The following ST7L variants were observed in gnomAD, a reference collection of about 807,000 sequenced individuals.
ST7L encodes suppressor of tumorigenicity 7 protein-like.
ST7L carries 57 observed loss-of-function variants against 72.5 expected under a neutral mutation model. The ratio of observed to expected loss-of-function variants is 0.79; its 90% CI spans 0.64 to 0.98. The LOEUF (loss-of-function observed/expected upper bound fraction) is 0.98, where lower values mean the gene tolerates loss of function less well. Among genes scored for constraint, ST7L ranks in the 50% least tolerant of loss-of-function variants. The pLI, the probability that ST7L is intolerant of heterozygous loss-of-function variation, is 0.00. For missense variants in ST7L, 576 were observed against 672.2 expected (o/e 0.86, Z 1.58); for synonymous variants, 221 against 240.9 (o/e 0.92, Z 0.77).
At chr1:112,521,324 TTTTTTTTC>T (rs1652867814), downstream of ST7L, 1 of 150,584 alleles carries the variant, frequency 6.6e-6, no homozygotes, top group Non-Finnish European at 1.5e-5. Context: ...TTTTTTTTTT[TTTTTTTTC>T]TTTTCTTTTC....
intron 7 of ST7L, among the ~76,000 whole-genome samples, chr1:112,583,547 A>C (rs761895189): frequency 6.6e-6 from 1 of 152,240 alleles, no homozygotes; most frequent in East Asian, 1.9e-4. Context: ...CCCTAGCACT[A>C]TATGCAGATA....
chr1:112,527,899 G>A (rs773850538), intron 14 of ST7L: 2 of 152,228 alleles, frequency 1.3e-5, no homozygotes, highest in Non-Finnish European at 2.9e-5. Flanking sequence ...AAGGTGAACT[G>A]GAACTCTGGG....
chr1:112,520,391 C>A (rs1205522750), downstream of ST7L: 9 of 1,614,042 alleles, frequency 5.6e-6, no homozygotes, highest in Non-Finnish European at 7.6e-6. Context: ...ACCCGTGTTA[C>A]CCAGTGTGAG....
At chr1:112,584,206 G>A in intron 6 of ST7L, 80 bp from the exon 7 acceptor site, 1 of 1,391,990 alleles carries the variant, frequency 7.2e-7, no homozygotes. Context: ...TTTGCTCTAT[G>A]TCATATTTCC....
chr1:112,581,638 C>G (rs369370715), intron 9 of ST7L, among the ~76,000 whole-genome samples: 2 of 152,086 alleles, frequency 1.3e-5, no homozygotes, highest in South Asian at 4.1e-4. Context: ...CTCCTGGGCT[C>G]AAGTGATCCT....
At chr1:112,605,011 CAGG>C (rs1442134401) in intron 3 of ST7L, among the ~76,000 whole-genome samples, 2 of 145,910 alleles carry the variant, frequency 1.4e-5, no homozygotes, top group Non-Finnish European at 1.5e-5. Context: ...CATTTGAACC[CAGG>C]AGGCAGAGGT....
At chr1:112,566,443 G>C (rs1661065952) in intron 11 of ST7L, among the ~76,000 whole-genome samples, 2 of 151,676 alleles carry the variant, frequency 1.3e-5, no homozygotes, top group African/African-American at 2.4e-5. Flanking sequence ...GACTACAGGT[G>C]TGTGCCACCA....
upstream of ST7L, chr1:112,619,578 C>G (rs962638406): frequency 7.5e-6 from 4 of 532,804 alleles, no homozygotes; most frequent in Non-Finnish European, 6.6e-6. Context: ...AACACGCTGC[C>G]AGCGCCCATT....
At chr1:112,605,043 C>T (rs543724409) in intron 3 of ST7L, among the ~76,000 whole-genome samples, 13 of 142,830 alleles carry the variant, frequency 9.1e-5, no homozygotes, top group East Asian at 2.1e-4. Flanking sequence ...GCAGAGATCA[C>T]GCCATTGCAT....
upstream of ST7L, chr1:112,619,236 G>C (rs757609820): frequency 1.1e-6 from 1 of 895,516 alleles, no homozygotes; most frequent in Non-Finnish European, 1.7e-6. Flanking sequence ...CTGGGGAACC[G>C]GGACCGAGAA....
chr1:112,611,135 C>T (rs1669006615), intron 2 of ST7L, 132 bp from the exon 3 acceptor site: 2 of 762,434 alleles, frequency 2.6e-6, no homozygotes, highest in Non-Finnish European at 4.0e-6. Flanking sequence ...AAGAAAAAAA[C>T]ATACAAACAC....
At chr1:112,522,547 C>T (rs1363580807), downstream of ST7L, 1 of 152,224 alleles carries the variant, frequency 6.6e-6, no homozygotes, top group African/African-American at 2.4e-5. Context: ...CCCTTGGGGT[C>T]CTCATGTTTT....
chr1:112,610,041 A>G (rs928367442), intron 3 of ST7L, among the ~76,000 whole-genome samples: 6 of 145,146 alleles, frequency 4.1e-5, no homozygotes, highest in Non-Finnish European at 7.4e-5. Flanking sequence ...TGCTGGGCGT[A>G]TATATATATA....
chr1:112,574,718 A>G (rs2101807503), intron 11 of ST7L, among the ~76,000 whole-genome samples: 1 of 152,212 alleles, frequency 6.6e-6, no homozygotes, highest in East Asian at 1.9e-4. Flanking sequence ...TAAAGGGAGG[A>G]AATAAACATA....
chr1:112,564,817 CAAA>C (rs780771291), intron 11 of ST7L, among the ~76,000 whole-genome samples: 2 of 43,112 alleles, frequency 4.6e-5, no homozygotes, highest in Non-Finnish European at 6.0e-5. Context: ...AACTGCATCT[CAAA>C]AAAAAAAAAA....
chr1:112,616,923 T>A (rs1557715128), intron 1 of ST7L, 28 bp from the exon 2 acceptor site: 3 of 1,530,964 alleles, frequency 2.0e-6, no homozygotes, highest in African/African-American at 1.4e-5. Context: ...ATCAAAGTTT[T>A]AAAAAATGCA....
chr1:112,603,654 G>A (rs531252834), intron 3 of ST7L, among the ~76,000 whole-genome samples: 1 of 152,114 alleles, frequency 6.6e-6, no homozygotes, highest in Non-Finnish European at 1.5e-5. Flanking sequence ...TATAGCTCAG[G>A]CTGCCGTAAC....
intron 4 of ST7L, among the ~76,000 whole-genome samples, chr1:112,598,445 C>T (rs1227726602): frequency 6.9e-6 from 1 of 144,136 alleles, no homozygotes; most frequent in Non-Finnish European, 1.5e-5. Flanking sequence ...CTGTCTTTAC[C>T]AGAAAAAAAA....
At position 112,581,997 on chromosome 1, in the gene ST7L, T is replaced by C; in HGVS notation, c.1064A>G (p.Tyr355Cys). The change falls in exon 9 of 15, where the codon TAT becomes TGT. Residue 355 changes from tyrosine (Y) to cysteine (C), a missense_variant. Tyr to Cys is a radical substitution (Grantham distance 194, BLOSUM62 -2). Around this residue, in one of 3 missense-constraint regions of ST7L, gnomAD observed 511 missense variants for 600.7 expected, o/e 0.85. Coordinates refer to ENST00000358039, the MANE Select transcript of ST7L (RefSeq NM_017744.5). The stretch of plus-strand genomic sequence containing the variant: ...ACTAAGGGAATATGACTCACCATCA[T>C]ATTTTGCTAGGACTGCCTGAACATC... ...YPDVQAVLAK[Y>C]DDISLPKSAA... The C allele has an allele frequency of 1.3e-6, 2 of 1,592,766 alleles. No homozygotes were observed. The highest frequency in any genetic ancestry group is 1.7e-6 in the Non-Finnish European group (2 of 1,161,168).
Sources: allele counts gnomAD v4.1 joint callset (sites outside exome capture counted in the v4.1 genomes callset), GRCh38; gene constraint gnomAD v4.1.1; regional missense constraint gnomAD v4.1.1; transcripts MANE v1.5; gene names NCBI Gene and HGNC (gene_info 2026-07-23, HGNC 2026-07-21).